The following B3GALT1 variants were observed in gnomAD, a reference collection of about 807,000 sequenced individuals.
B3GALT1 encodes the protein beta-1,3-galactosyltransferase 1.
A neutral mutation model predicts 23.2 loss-of-function variants in B3GALT1; 10 were observed. The observed-to-expected ratio is 0.43, with a 90% CI of 0.27 to 0.73. The LOEUF (loss-of-function observed/expected upper bound fraction) is 0.73, where lower values mean the gene tolerates loss of function less well. B3GALT1 is among the 30% of genes least tolerant of loss of function. The pLI, the probability that B3GALT1 is intolerant of heterozygous loss-of-function variation, is 0.21. For synonymous variants in B3GALT1, 156 were observed against 141.5 expected, an observed-to-expected ratio of 1.10 and a Z score of -0.73; for missense variants, 299 against 405.4, an observed-to-expected ratio of 0.74 and a Z score of 2.25.
chr2:167,349,389 T>C (rs1245117553), intron 1 of B3GALT1, among the ~76,000 whole-genome samples: 1 of 152,180 alleles, frequency 6.6e-6, no homozygotes, highest in Non-Finnish European at 1.5e-5. Flanking sequence ...TTTATTTTAC[T>C]TCATAATGGC....
intron 2 of B3GALT1, among the ~76,000 whole-genome samples, chr2:167,586,676 A>G (rs916293600): frequency 7.2e-5 from 11 of 152,228 alleles, no homozygotes; most frequent in African/African-American, 2.7e-4. Flanking sequence ...GTTTGAAGTT[A>G]TATGCTAATC....
intron 3 of B3GALT1, among the ~76,000 whole-genome samples, chr2:167,705,115 TAC>T (rs1686949055): frequency 6.6e-6 from 1 of 152,148 alleles, no homozygotes; most frequent in South Asian, 2.1e-4. Flanking sequence ...TGCCCTGAGA[TAC>T]ACAGACATAA....
At chr2:167,584,912 G>A (rs938136816) in intron 2 of B3GALT1, among the ~76,000 whole-genome samples, 1 of 152,174 alleles carries the variant, frequency 6.6e-6, no homozygotes, top group African/African-American at 2.4e-5. Flanking sequence ...TTTTATGGAA[G>A]CTTCATTACA....
At chr2:167,726,337 C>G (rs2105260945) in intron 3 of B3GALT1, among the ~76,000 whole-genome samples, 1 of 152,316 alleles carries the variant, frequency 6.6e-6, no homozygotes, top group South Asian at 2.1e-4. Flanking sequence ...TCATCGCCTT[C>G]TTTGTGCTAG....
At chr2:167,515,017 A>G (rs1700079440) in intron 2 of B3GALT1, among the ~76,000 whole-genome samples, 2 of 152,158 alleles carry the variant, frequency 1.3e-5, no homozygotes, top group Non-Finnish European at 2.9e-5. Context: ...AAATAGACCA[A>G]AAGTTTAGTA....
At chr2:167,476,330 G>A (rs1044535198) in intron 1 of B3GALT1, among the ~76,000 whole-genome samples, 6 of 152,304 alleles carry the variant, frequency 3.9e-5, no homozygotes, top group South Asian at 2.1e-4. Context: ...AAAGTATTGA[G>A]CATTTGTTTA....
intron 1 of B3GALT1, among the ~76,000 whole-genome samples, chr2:167,432,512 TCTTA>T (rs1339391350): frequency 6.6e-6 from 1 of 152,186 alleles, no homozygotes; most frequent in African/African-American, 2.4e-5. Context: ...CACTCACTCG[TCTTA>T]CTTACTATGT....
intron 1 of B3GALT1, among the ~76,000 whole-genome samples, chr2:167,416,332 G>A (rs974874794): frequency 6.6e-6 from 1 of 152,188 alleles, no homozygotes; most frequent in Non-Finnish European, 1.5e-5. Context: ...CTCAGACACT[G>A]AGCAGCTCAC....
chr2:167,337,432 T>G (rs913113027), intron 1 of B3GALT1, among the ~76,000 whole-genome samples: 2 of 152,012 alleles, frequency 1.3e-5, no homozygotes, highest in African/African-American at 2.4e-5. Context: ...TTTCCCCAAA[T>G]ACTTTGGCTT....
intron 3 of B3GALT1, among the ~76,000 whole-genome samples, chr2:167,689,267 G>C (rs1264338909): frequency 6.6e-6 from 1 of 152,020 alleles, no homozygotes; most frequent in African/African-American, 2.4e-5. Flanking sequence ...TTGTGAAAGT[G>C]CTGAAAGAAG....
intron 1 of B3GALT1, among the ~76,000 whole-genome samples, chr2:167,366,280 A>C (rs1272234248): frequency 2.0e-5 from 3 of 152,218 alleles, no homozygotes; most frequent in Non-Finnish European, 4.4e-5. Context: ...TTGGCTCCAA[A>C]ATTTTCTTTT....
chr2:167,541,268 T>C (rs1683530115), intron 2 of B3GALT1, among the ~76,000 whole-genome samples: 1 of 151,686 alleles, frequency 6.6e-6, no homozygotes, highest in South Asian at 2.1e-4. Context: ...TGATTAAAGA[T>C]GCGGTTTCTT....
At chr2:167,801,105 C>T (rs1029772755) in intron 3 of B3GALT1, among the ~76,000 whole-genome samples, 3 of 152,194 alleles carry the variant, frequency 2.0e-5, no homozygotes, top group Non-Finnish European at 4.4e-5. Context: ...AAAACAGGCT[C>T]TTGGCTAGAA....
At chr2:167,557,901 T>G (rs1254053574) in intron 2 of B3GALT1, among the ~76,000 whole-genome samples, 1 of 152,224 alleles carries the variant, frequency 6.6e-6, no homozygotes, top group Non-Finnish European at 1.5e-5. Context: ...TCTAAACCTT[T>G]GCAAACTGTG....
intron 2 of B3GALT1, among the ~76,000 whole-genome samples, chr2:167,598,015 A>G (rs1436429816): frequency 6.6e-6 from 1 of 152,218 alleles, no homozygotes; most frequent in Admixed American, 6.5e-5. Flanking sequence ...TTCACCATGT[A>G]CTTACCAATC....
chr2:167,700,306 G>A (rs1686858658), intron 3 of B3GALT1, among the ~76,000 whole-genome samples: 1 of 152,042 alleles, frequency 6.6e-6, no homozygotes, highest in African/African-American at 2.4e-5. Context: ...TAAAATATTA[G>A]TTTAGCAATC....
intron 2 of B3GALT1, among the ~76,000 whole-genome samples, chr2:167,630,640 A>T (rs1446399550): frequency 6.6e-6 from 1 of 151,690 alleles, no homozygotes; most frequent in Non-Finnish European, 1.5e-5. Context: ...GCAAAAAAAA[A>T]AGCTAGATAG....
chr2:167,739,949 A>ATC (rs2105275046), intron 3 of B3GALT1, among the ~76,000 whole-genome samples: 1 of 149,918 alleles, frequency 6.7e-6, no homozygotes, highest in East Asian at 2.0e-4. Context: ...CAAAAAAAAA[A>ATC]AAATCTAGGC....
chr2:167,431,674 G>A (rs182988102), intron 1 of B3GALT1, among the ~76,000 whole-genome samples: 1 of 152,292 alleles, frequency 6.6e-6, no homozygotes, highest in East Asian at 1.9e-4. Flanking sequence ...GGAGGTGCAT[G>A]CATGCAAATC....
Sources: allele counts gnomAD v4.1 joint callset (sites outside exome capture counted in the v4.1 genomes callset), GRCh38; gene constraint gnomAD v4.1.1; transcripts MANE v1.5; gene names NCBI Gene and HGNC (gene_info 2026-07-23, HGNC 2026-07-21).